C2CD2: variants seen among roughly 807,000 people sequenced by gnomAD.
C2CD2 encodes the protein C2 domain-containing protein 2.
A neutral mutation model predicts 74.3 loss-of-function variants in C2CD2; 43 were observed. That is an observed-to-expected ratio of 0.58 (90% CI 0.45 to 0.75). The LOEUF (loss-of-function observed/expected upper bound fraction) is 0.75, where lower values mean the gene tolerates loss of function less well. Among genes scored for constraint, C2CD2 ranks in the 30% least tolerant of loss-of-function variants. The pLI is 0.00. For synonymous variants in C2CD2, 422 were observed against 390.7 expected (o/e 1.08, Z -0.94); for missense variants, 801 against 916.3 (o/e 0.87, Z 1.63).
intron 10 of C2CD2, among the ~76,000 whole-genome samples, chr21:41,906,222 T>G (rs1394576170): frequency 2.6e-5 from 4 of 152,228 alleles, no homozygotes. Flanking sequence ...AGAATTCAGC[T>G]GGATCTCAAA....
At chr21:41,901,874 G>A (rs2146152442) in intron 11 of C2CD2, 125 bp from the exon 12 acceptor site, 1 of 825,788 alleles carries the variant, frequency 1.2e-6, no homozygotes, top group Non-Finnish European at 2.0e-6. Flanking sequence ...GGGGCCAAAG[G>A]GTCAATTGTT....
chr21:41,893,987 C>T (rs997202138), intron 13 of C2CD2, among the ~76,000 whole-genome samples: 8 of 152,340 alleles, frequency 5.3e-5, no homozygotes, highest in South Asian at 2.1e-4. Context: ...GTGTGAGCCA[C>T]GGCTCCTGGC....
intron 1 of C2CD2, among the ~76,000 whole-genome samples, chr21:41,943,365 G>A (rs928796319): frequency 2.6e-5 from 4 of 152,166 alleles, no homozygotes; most frequent in Non-Finnish European, 4.4e-5. Flanking sequence ...CAAGGCCAAC[G>A]TTTTATGACG....
chr21:41,912,347 T>G lies in C2CD2; in HGVS notation c.938A>C (p.Glu313Ala). The change falls in exon 7 of 14, where the codon GAA becomes GCA. Residue 313 changes from glutamate (E) to alanine (A), a missense_variant. Coordinates refer to ENST00000380486, the MANE Select transcript of C2CD2 (RefSeq NM_015500.2). ...CCAGACTCACAAGGTGAATTCCTCT[T>G]CCCACATGAGGTCCGGAGTGTTTTT... Reference protein sequence around the residue: ...LTKNTPDLMWEEEFTFELNAK... With the variant: ...LTKNTPDLMWAEEFTFELNAK... 2 of 1,610,788 alleles carry G rather than the reference T, an allele frequency of 1.2e-6. No homozygotes were observed. The highest frequency in any genetic ancestry group is 1.7e-6 in the Non-Finnish European group (2 of 1,178,558).
rs1355789429 is a variant in C2CD2, at chr21:41,886,644, T to C, written c.*2480A>G. 4.0e-5 allele frequency: 5 copies of C among 124,914 alleles called. No homozygotes were observed. In the East Asian group the frequency reaches 1.1e-3, roughly 28 times the overall value. 7.7% of individuals were successfully genotyped at this position (124,914 alleles called of 1,614,324 possible). On this transcript the variant is annotated 3_prime_UTR_variant, in exon 14 of 14. Transcript: ENST00000380486. ...AGCGCTCATGGGATTCATCTGGAAATGGAATAGTTAAAACCTTTTTTTTTT... is the reference window on the plus strand; with the variant it reads ...AGCGCTCATGGGATTCATCTGGAAACGGAATAGTTAAAACCTTTTTTTTTT...
At chr21:41,912,298 T>A in intron 7 of C2CD2, 34 bp downstream of exon 7, 8 of 1,347,564 alleles carry the variant, frequency 5.9e-6, no homozygotes, top group Non-Finnish European at 8.5e-6. Flanking sequence ...GACACGGCCG[T>A]GGACACACAG....
In C2CD2 at chr21:41,953,548, G is replaced by A. The variant is rs1206376207; in HGVS notation, c.101C>T (p.Ala34Val). The A allele has an allele frequency of 2.0e-6, 3 of 1,485,336 alleles. No homozygotes were observed. The highest frequency in any genetic ancestry group is 2.9e-5 in the East Asian group (1 of 34,676). The allele number at this position is 1,485,336 out of a possible 1,614,324, so 92.0% of individuals were successfully genotyped here. The change falls in exon 1 of 14, where the codon GCG becomes GTG. Residue 34 changes from alanine to valine, a missense_variant. Coordinates refer to ENST00000380486, the MANE Select transcript of C2CD2 (RefSeq NM_015500.2). ...AALATVGLYL[A>V]QWALARARPQ... ...TCGCGCCCTGGCCAGCGCCCACTGC[G>A]CCAGGTACAGGCCTACCGTGGCCAG...
At chr21:41,948,882 TTTTTTTTTTTC>T (rs1283590328) in intron 1 of C2CD2, among the ~76,000 whole-genome samples, 1,583 of 132,660 alleles carry the variant, frequency 0.012, 36 homozygotes, top group Middle Eastern at 0.022. Flanking sequence ...TTTTTTTTTT[TTTTTTTTTTTC>T]TTTTTTTTTA....
At chr21:41,943,380 A>C (rs1037680767) in intron 1 of C2CD2, among the ~76,000 whole-genome samples, 8 of 152,242 alleles carry the variant, frequency 5.3e-5, no homozygotes, top group African/African-American at 1.9e-4. Flanking sequence ...ATGACGAAGA[A>C]CCCAGGGCTT....
chr21:41,935,766 C>G (rs2065301835), intron 2 of C2CD2, among the ~76,000 whole-genome samples: 1 of 152,180 alleles, frequency 6.6e-6, no homozygotes, highest in African/African-American at 2.4e-5. Context: ...GCAGGAGAAT[C>G]ACTTGAACCT....
Position 41,899,223 on chromosome 21 carries a change from T to C in C2CD2, c.1700A>G (p.Gln567Arg). 1 of 1,612,438 alleles carries C rather than the reference T, an allele frequency of 6.2e-7. No individual in the cohort carries two copies. The highest frequency in any genetic ancestry group is 8.5e-7 in the Non-Finnish European group (1 of 1,179,540). Residue 567 changes from glutamine (Q) to arginine (R), a missense_variant, in exon 13 of 14, where the codon CAG (glutamine) becomes CGG (arginine). Gln to Arg is a conservative substitution (Grantham distance 43). Transcript: ENST00000380486. The surrounding 1 kb of genome is among the most constrained non-coding windows in gnomAD (Gnocchi z 4.4). Reference protein sequence around the residue: ...SAPPEEAESAQASLAPKPQED... With the variant: ...SAPPEEAESARASLAPKPQED... The stretch of plus-strand genomic sequence containing the variant: ...CTGGGGCTTGGGGGCAAGGGATGCC[T>C]GGGCTGACTCGGCTTCCTCTGGCGG...
At chr21:41,931,673 A>G (rs2065262684) in intron 2 of C2CD2, among the ~76,000 whole-genome samples, 1 of 150,160 alleles carries the variant, frequency 6.7e-6, no homozygotes, top group African/African-American at 2.4e-5. Context: ...CACCTGCCTC[A>G]GCCTCCCAAA....
At chr21:41,902,150 C>A (rs2064907038) in intron 11 of C2CD2, among the ~76,000 whole-genome samples, 1 of 152,074 alleles carries the variant, frequency 6.6e-6, no homozygotes, top group South Asian at 2.1e-4. Flanking sequence ...TTAAGTTATA[C>A]CTGAATAGAG....
At chr21:41,897,807 G>A (rs372323390) in intron 13 of C2CD2, among the ~76,000 whole-genome samples, 7 of 152,328 alleles carry the variant, frequency 4.6e-5, no homozygotes, top group African/African-American at 1.7e-4. Context: ...CCAGCCCATG[G>A]CAGGCTGTGG....
rs1239185073 is a variant in C2CD2, at chr21:41,929,385, C to A, written c.379-7300G>T. On this transcript the variant is annotated intron_variant, in intron 2 of 13. Coordinates refer to ENST00000380486, the MANE Select transcript of C2CD2 (RefSeq NM_015500.2). The surrounding 1 kb of genome is among the most constrained non-coding windows in gnomAD (Gnocchi z 4.6). ...GCACACCTGATGCCATCACATGCCACAACGTGTGCCATGCGGGGTACTGCA... is the reference window on the plus strand; with the variant it reads ...GCACACCTGATGCCATCACATGCCAAAACGTGTGCCATGCGGGGTACTGCA... Among the ~76,000 whole-genome samples, 1 of 152,208 alleles carries A rather than the reference C, an allele frequency of 6.6e-6. No individual in the cohort carries two copies. Among genetic ancestry groups the A allele is most frequent in the Non-Finnish European group, 1.5e-5 (1 of 68,036 alleles).
chr21:41,931,217 G>A (rs1374714902), intron 2 of C2CD2, among the ~76,000 whole-genome samples: 5 of 150,356 alleles, frequency 3.3e-5, no homozygotes, highest in African/African-American at 7.3e-5. Context: ...CACAGCAGCC[G>A]TGGGCAGGAG....
intron 1 of C2CD2, among the ~76,000 whole-genome samples, chr21:41,951,684 A>G (rs1005497876): frequency 2.0e-5 from 3 of 152,192 alleles, no homozygotes; most frequent in Non-Finnish European, 4.4e-5. Context: ...GTGTTCTCAG[A>G]TTGACTTGAC....
At position 41,895,850 on chromosome 21, in the gene C2CD2, T is replaced by G. The variant is rs2064815770; in HGVS notation, c.1870+3203A>C. On this transcript the variant is annotated intron_variant, in intron 13 of 13. Transcript: ENST00000380486. This position sits in a 1 kb window ranked among gnomAD's most constrained non-coding sequence, Gnocchi z 5.0. ...AATGACCAGAAAAAAAAAACAATTGTCTTTGGCTTCCCAAGAACAGCATCG... is the reference window on the plus strand; with the variant it reads ...AATGACCAGAAAAAAAAAACAATTGGCTTTGGCTTCCCAAGAACAGCATCG... Among the ~76,000 whole-genome samples, 1 of 152,090 alleles carries G rather than the reference T, an allele frequency of 6.6e-6. No individual in the cohort carries two copies.
rs144771265 is a variant in C2CD2 at position 41,901,670 on chromosome 21, G to C, written c.1512C>G (p.Leu504=). 6 of 1,614,102 alleles carry C rather than the reference G, an allele frequency of 3.7e-6. No homozygotes were observed. Among genetic ancestry groups the C allele is most frequent in the Non-Finnish European group, 5.1e-6 (6 of 1,179,952 alleles). ...TAGTGCTTTTCTTCCGTGGCGACTT[G>C]AGTTTCAGCTTTGAAGATTCACTGA... The part of the protein sequence containing the change: ...RQLSESSKLK[L]KSPRKKSTII... The change falls in exon 12 of 14, where the codon CTC becomes CTG. Residue 504 remains leucine (L), a synonymous_variant. Coordinates refer to ENST00000380486, the MANE Select transcript of C2CD2 (RefSeq NM_015500.2).
Sources: gnomAD v4.1 joint callset for allele counts (sites outside exome capture counted in the v4.1 genomes callset) on GRCh38, gnomAD v4.1.1 for gene constraint, Gnocchi (gnomAD v3.1) non-coding constraint, MANE v1.5 for transcripts, NCBI Gene and HGNC (gene_info 2026-07-23, HGNC 2026-07-21) for gene names.